Variants in NRF1 observed in about 807,000 individuals in gnomAD.
NRF1 encodes nuclear respiratory factor 1.
A neutral mutation model predicts 58.5 loss-of-function variants in NRF1; 5 were observed. The observed-to-expected ratio is 0.09, with a 90% CI of 0.04 to 0.18. The LOEUF (loss-of-function observed/expected upper bound fraction) is 0.18. Among genes scored for constraint, NRF1 ranks in the 10% least tolerant of loss-of-function variants. The probability of loss-of-function intolerance (pLI) is 1.00; values close to 1 mark genes in which losing one functional copy is unlikely to be tolerated. For missense variants in NRF1, 288 were observed against 657.7 expected (o/e 0.44, Z 6.15); for synonymous variants, 224 against 246.7 (o/e 0.91, Z 0.86).
At chr7:129,724,346 A>G (rs749715284) in intron 9 of NRF1, among the ~76,000 whole-genome samples, 1 of 152,220 alleles carries the variant, frequency 6.6e-6, no homozygotes, top group Non-Finnish European at 1.5e-5. Flanking sequence ...CCTCACACCC[A>G]TTAAGATGGC....
At chr7:129,736,262 A>G (rs1289473475) in intron 10 of NRF1, among the ~76,000 whole-genome samples, 1 of 148,688 alleles carries the variant, frequency 6.7e-6, no homozygotes, top group African/African-American at 2.5e-5. Context: ...AATCTCAGCA[A>G]TGCTCAATAG....
intron 1 of NRF1, among the ~76,000 whole-genome samples, chr7:129,651,787 T>G (rs1801543983): frequency 6.6e-6 from 1 of 152,194 alleles, no homozygotes; most frequent in South Asian, 2.1e-4. Context: ...GTGTGTTAAA[T>G]TGTTTTAGAG....
intron 9 of NRF1, among the ~76,000 whole-genome samples, chr7:129,719,542 A>ACACACACC (rs1803271174): frequency 7.1e-6 from 1 of 140,196 alleles, no homozygotes; most frequent in African/African-American, 2.7e-5. Context: ...ACACACACAC[A>ACACACACC]CAACACATCT....
intron 10 of NRF1, among the ~76,000 whole-genome samples, chr7:129,728,908 T>G (rs1803515322): frequency 6.6e-6 from 1 of 152,184 alleles, no homozygotes; most frequent in Non-Finnish European, 1.5e-5. Flanking sequence ...TAGCCACACA[T>G]GTTCAGGATG....
chr7:129,686,101 C>CA (rs540355035), intron 4 of NRF1, among the ~76,000 whole-genome samples: 6,100 of 57,006 alleles, frequency 0.11, 325 homozygotes, highest in African/African-American at 0.19. Context: ...GACTGTATCT[C>CA]AAAAAAAAAA....
rs992040725 is a variant in NRF1, at chr7:129,730,225, A to G, written c.1348+2860A>G. ...TTTTTAATAGAAATGAGGCCTCTCCATATTGCTCTGGCTGGTCTCAAACTC... is the reference window on the plus strand; with the variant it reads ...TTTTTAATAGAAATGAGGCCTCTCCGTATTGCTCTGGCTGGTCTCAAACTC... On this transcript the variant is annotated intron_variant, in intron 10 of 10. Coordinates refer to ENST00000393232, the MANE Select transcript of NRF1 (RefSeq NM_005011.5). 7.9e-5 allele frequency among the ~76,000 whole-genome samples: 12 copies of G among 151,994 alleles called. No individual in the cohort carries two copies. The South Asian group carries it at 2.5e-3, about 32-fold the overall frequency.
chr7:129,754,859 G>T (rs868673101), intron 10 of NRF1, among the ~76,000 whole-genome samples, 159 bp from the exon 11 acceptor site: 2 of 152,268 alleles, frequency 1.3e-5, no homozygotes, highest in Middle Eastern at 3.4e-3. Context: ...ATTTTAATGG[G>T]GTGGGAAAGA....
intron 4 of NRF1, among the ~76,000 whole-genome samples, chr7:129,686,568 C>CA (rs1802448054): frequency 6.6e-6 from 1 of 152,140 alleles, no homozygotes; most frequent in South Asian, 2.1e-4. Context: ...TTCTTATTTG[C>CA]AAAATGAACA....
chr7:129,702,093 C>T (rs966892174), intron 5 of NRF1, among the ~76,000 whole-genome samples: 1 of 152,178 alleles, frequency 6.6e-6, no homozygotes, highest in African/African-American at 2.4e-5. Context: ...GCCCATGCCT[C>T]TGGATAGGAG....
chr7:129,638,001 A>T (rs1801207366), intron 1 of NRF1, among the ~76,000 whole-genome samples: 1 of 151,834 alleles, frequency 6.6e-6, no homozygotes, highest in South Asian at 2.1e-4. Flanking sequence ...GGCTTCTGTG[A>T]TATTTCTCTG....
intron 1 of NRF1, among the ~76,000 whole-genome samples, chr7:129,620,700 T>A (rs1800779734): frequency 6.6e-6 from 1 of 152,190 alleles, no homozygotes; most frequent in African/African-American, 2.4e-5. Context: ...TTACTATTGT[T>A]TTAAAGGGAA....
intron 10 of NRF1, among the ~76,000 whole-genome samples, chr7:129,732,866 T>C (rs1169727057): frequency 6.6e-6 from 1 of 152,146 alleles, no homozygotes; most frequent in African/African-American, 2.4e-5. Flanking sequence ...CCTCCCAAAG[T>C]TCCAGACCAG....
intron 4 of NRF1, among the ~76,000 whole-genome samples, chr7:129,688,931 T>TTG (rs10552151): frequency 1.1e-4 from 16 of 150,902 alleles, no homozygotes; most frequent in African/African-American, 1.5e-4. Flanking sequence ...TAAGATTCAT[T>TTG]TGTGTGTGTG....
At chr7:129,663,999 CCTGGAATCCCAGG>C (rs1322876855) in intron 2 of NRF1, among the ~76,000 whole-genome samples, 4 of 150,324 alleles carry the variant, frequency 2.7e-5, no homozygotes, top group African/African-American at 9.7e-5. Flanking sequence ...GCGGCGTGTG[CCTGGAATCCCAGG>C]CACTCGCCAG....
At chr7:129,640,781 A>G (rs1801272187) in intron 1 of NRF1, among the ~76,000 whole-genome samples, 1 of 152,150 alleles carries the variant, frequency 6.6e-6, no homozygotes, top group South Asian at 2.1e-4. Context: ...TGGGTAACTC[A>G]CTGGGTCTTT....
At chr7:129,697,395 A>G (rs1262629990) in intron 5 of NRF1, among the ~76,000 whole-genome samples, 1 of 152,024 alleles carries the variant, frequency 6.6e-6, no homozygotes, top group African/African-American at 2.4e-5. Context: ...TTTAAAAAAA[A>G]AAATCAGCCC....
At chr7:129,627,374 G>A (rs973070046) in intron 1 of NRF1, among the ~76,000 whole-genome samples, 14 of 151,804 alleles carry the variant, frequency 9.2e-5, no homozygotes, top group Admixed American at 5.3e-4. Flanking sequence ...ATCATGCTTG[G>A]CCATTTTTTT....
At chr7:129,740,375 G>T (rs956456123) in intron 10 of NRF1, among the ~76,000 whole-genome samples, 3 of 152,210 alleles carry the variant, frequency 2.0e-5, no homozygotes, top group African/African-American at 7.2e-5. Context: ...AACCTTCAGA[G>T]GTTCACTCTT....
At position 129,682,462 on chromosome 7, in the gene NRF1, G is replaced by GA. The variant is rs367847224; in HGVS notation, c.465+4714dup. Among the ~76,000 whole-genome samples, 786 of 136,518 alleles carry GA rather than the reference G, an allele frequency of 5.8e-3. 2 individuals are homozygous for GA. Among genetic ancestry groups the GA allele is most frequent in the Non-Finnish European group, 9.7e-3 (607 of 62,660 alleles). 89.6% of individuals were successfully genotyped at this position (136,518 alleles called of 152,430 possible). A position where few individuals can be genotyped will look rare whatever the true frequency, so the allele number is the denominator to read the frequency against. ...GACAGAGCAAGACCCTGTCCCAAAG[G>GA]AAAAAAAAAACAAAACAAAAAAACC... On this transcript the variant is annotated intron_variant, in intron 4 of 10. Transcript: ENST00000393232.
Sources: gnomAD v4.1 joint callset for allele counts (sites outside exome capture counted in the v4.1 genomes callset) on GRCh38, gnomAD v4.1.1 for gene constraint, MANE v1.5 for transcripts, NCBI Gene and HGNC (gene_info 2026-07-23, HGNC 2026-07-21) for gene names.